PCDHGA1: variants seen among roughly 807,000 people sequenced by gnomAD.
PCDHGA1 encodes the protein protocadherin gamma-A1.
In PCDHGA1, 32 loss-of-function variants were observed where a neutral mutation model predicts 58.0. The observed-to-expected ratio is 0.55, with a 90% CI of 0.42 to 0.74. PCDHGA1 has a LOEUF of 0.74. PCDHGA1 is among the 30% of genes least tolerant of loss of function. PCDHGA1 has a pLI of 0.00. For synonymous variants in PCDHGA1, 498 were observed against 501.1 expected, an observed-to-expected ratio of 0.99 and a Z score of 0.08; for missense variants, 1,205 against 1,182.3, an observed-to-expected ratio of 1.02 and a Z score of -0.28.
At chr5:141,372,589 GCTTCA>G in intron 1 of PCDHGA1, 1 of 1,614,030 alleles carries the variant, frequency 6.2e-7, no homozygotes, top group Non-Finnish European at 8.5e-7. Context: ...CCTGGTGTCT[GCTTCA>G]AGACTGTACC....
chr5:141,507,504 C>T (rs1443873775), intron 3 of PCDHGA1, among the ~76,000 whole-genome samples: 1 of 152,138 alleles, frequency 6.6e-6, no homozygotes, highest in Admixed American at 6.5e-5. Flanking sequence ...TGTCCCAGGT[C>T]TGGTGGGGCT....
chr5:141,371,232 G>C, intron 1 of PCDHGA1: 4 of 1,614,036 alleles, frequency 2.5e-6, no homozygotes, highest in Non-Finnish European at 3.4e-6. Flanking sequence ...AATCATCTAT[G>C]CCTTCATCAA....
intron 1 of PCDHGA1, chr5:141,384,697 C>CA (rs1290309898): frequency 6.2e-7 from 1 of 1,614,142 alleles, no homozygotes; most frequent in Non-Finnish European, 8.5e-7. Context: ...AGATTCAGGC[C>CA]AGAACGCCTG....
chr5:141,415,739 G>A, intron 1 of PCDHGA1: 4 of 434,948 alleles, frequency 9.2e-6, no homozygotes, highest in Non-Finnish European at 1.3e-5. Context: ...TGTTTATTAA[G>A]GTTTTTTTTT....
intron 1 of PCDHGA1, chr5:141,356,024 G>C: frequency 1.9e-6 from 3 of 1,613,944 alleles, no homozygotes; most frequent in Non-Finnish European, 2.5e-6. Flanking sequence ...GGAGCCAATG[G>C]AGACGTGACG....
chr5:141,510,821 C>G, intron 3 of PCDHGA1, 126 bp from the exon 4 acceptor site: 2 of 1,559,324 alleles, frequency 1.3e-6, no homozygotes, highest in Non-Finnish European at 1.7e-6. Context: ...CCCCTATATT[C>G]CCAGTGCTCA....
intron 1 of PCDHGA1, among the ~76,000 whole-genome samples, chr5:141,482,771 A>ACCTAAAATCTCAAACAC (rs1168136626): frequency 4.9e-5 from 7 of 141,414 alleles, no homozygotes; most frequent in African/African-American, 8.5e-5. Flanking sequence ...ATTATCACTG[A>ACCTAAAATCTCAAACAC]ACCTTAAACT....
Position 141,332,393 on chromosome 5 carries a change from A to T in PCDHGA1, c.1709A>T (p.Asp570Val), listed in dbSNP as rs1371048971. ...PEILYPALPTDGSTGVELAPL... is the reference protein window; with the variant it reads ...PEILYPALPTVGSTGVELAPL... ...ATCCTGTACCCCGCCCTCCCCACAGATGGTTCTACCGGCGTGGAGCTGGCG... is the reference window on the plus strand; with the variant it reads ...ATCCTGTACCCCGCCCTCCCCACAGTTGGTTCTACCGGCGTGGAGCTGGCG... Residue 570 changes from aspartate to valine, a missense_variant, in exon 1 of 4, where the codon GAT (aspartate) becomes GTT (valine). By Grantham distance (152) the Asp-to-Val change is radical. Transcript: ENST00000517417. This position sits in a 1 kb window ranked among gnomAD's most constrained non-coding sequence, Gnocchi z 4.6. 1.2e-6 allele frequency: 2 copies of T among 1,613,998 alleles called. No individual in the cohort carries two copies. Among genetic ancestry groups the T allele is most frequent in the Admixed American group, 1.7e-5 (1 of 59,998 alleles).
intron 1 of PCDHGA1, among the ~76,000 whole-genome samples, chr5:141,359,447 C>A (rs1761214361): frequency 6.6e-6 from 1 of 151,116 alleles, no homozygotes; most frequent in Non-Finnish European, 1.5e-5. Flanking sequence ...TTTCTTTTAG[C>A]AAATAACAAT....
At chr5:141,344,557 A>G (rs147973403) in intron 1 of PCDHGA1, 75 of 1,614,004 alleles carry the variant, frequency 4.6e-5, no homozygotes, top group Middle Eastern at 1.6e-4. Flanking sequence ...CTTAGCCCCA[A>G]TGACTACTTC....
At chr5:141,364,167 G>A in intron 1 of PCDHGA1, 1 of 724,670 alleles carries the variant, frequency 1.4e-6, no homozygotes, top group Non-Finnish European at 2.0e-6. Context: ...GAGGCGACCC[G>A]ACTCTGCTCC....
At chr5:141,449,933 G>A (rs1012332454) in intron 1 of PCDHGA1, among the ~76,000 whole-genome samples, 1 of 149,752 alleles carries the variant, frequency 6.7e-6, no homozygotes, top group African/African-American at 2.5e-5. Flanking sequence ...ATACCTTATA[G>A]TATATTTTAC....
chr5:141,395,013 G>A, intron 1 of PCDHGA1: 2 of 1,614,064 alleles, frequency 1.2e-6, no homozygotes, highest in South Asian at 1.1e-5. Flanking sequence ...CAGATTGGTA[G>A]GCGTGCCTGC....
At chr5:141,472,980 CAAA>C (rs60579131) in intron 1 of PCDHGA1, among the ~76,000 whole-genome samples, 10 of 86,092 alleles carry the variant, frequency 1.2e-4, no homozygotes, top group Non-Finnish European at 1.2e-4. Context: ...GAGTGAAACT[CAAA>C]AAAAAAAAAA....
intron 1 of PCDHGA1, chr5:141,394,322 G>A (rs1438978424): frequency 1.9e-6 from 3 of 1,613,842 alleles, no homozygotes; most frequent in African/African-American, 1.3e-5. Flanking sequence ...CCCTGTCCTC[G>A]TATATCTCCA....
At position 141,330,838 on chromosome 5, in the gene PCDHGA1, C is replaced by T; in HGVS notation, c.154C>T (p.Leu52=). The T allele has an allele frequency of 1.2e-6, 2 of 1,614,188 alleles. No homozygotes were observed. The highest frequency in any genetic ancestry group is 1.7e-6 in the Non-Finnish European group (2 of 1,180,038). The change falls in exon 1 of 4, where the codon CTA becomes TTA. Residue 52 remains leucine (L), a synonymous_variant. Transcript: ENST00000517417. ...CTTCGTAGGCAACATCGCCAAGGACCTAGGGCTGCAACCCCAGGAGCTGGC... is the reference window on the plus strand; with the variant it reads ...CTTCGTAGGCAACATCGCCAAGGACTTAGGGCTGCAACCCCAGGAGCTGGC... The part of the protein sequence containing the change: ...GSFVGNIAKD[L]GLQPQELADG...
intron 1 of PCDHGA1, chr5:141,333,418 T>C (rs1028500995): frequency 4.5e-6 from 2 of 448,330 alleles, no homozygotes; most frequent in African/African-American, 5.0e-5. Flanking sequence ...TTTTCTTACT[T>C]GCCTCTGGGC....
intron 1 of PCDHGA1, chr5:141,430,875 T>A (rs1323872183): frequency 6.3e-7 from 1 of 1,599,400 alleles, no homozygotes; most frequent in Non-Finnish European, 8.5e-7. Context: ...CCGGAAGAGC[T>A]GGAGAAAGGC....
At chr5:141,413,148 C>G (rs370253778) in intron 1 of PCDHGA1, 10 of 1,570,530 alleles carry the variant, frequency 6.4e-6, no homozygotes, top group Middle Eastern at 1.7e-4. Flanking sequence ...CCAGTGAGGA[C>G]TTTGCAGAAT....
Sources: gnomAD v4.1 joint callset for allele counts (sites outside exome capture counted in the v4.1 genomes callset) on GRCh38, gnomAD v4.1.1 for gene constraint, Gnocchi (gnomAD v3.1) non-coding constraint, MANE v1.5 for transcripts, NCBI Gene and HGNC (gene_info 2026-07-23, HGNC 2026-07-21) for gene names.